Variants in ANKS1B observed in about 807,000 individuals in gnomAD.
ANKS1B encodes the protein ankyrin repeat and sterile alpha motif domain-containing protein 1B.
In ANKS1B, 36 loss-of-function variants were observed where a neutral mutation model predicts 148.3. That is an observed-to-expected ratio of 0.24 (90% confidence interval 0.19 to 0.32). ANKS1B has a LOEUF of 0.32. Ranked by LOEUF, ANKS1B falls within the 10% of genes least tolerant of loss-of-function variation. The probability of loss-of-function intolerance (pLI) is 1.00; values close to 1 mark genes in which losing one functional copy is unlikely to be tolerated. For synonymous variants in ANKS1B, 542 were observed against 560.8 expected, an observed-to-expected ratio of 0.97 and a Z score of 0.47; for missense variants, 1,157 against 1,542.6, an observed-to-expected ratio of 0.75 and a Z score of 4.19.
At chr12:98,972,810 A>G (rs1294286671) in intron 17 of ANKS1B, among the ~76,000 whole-genome samples, 1 of 152,158 alleles carries the variant, frequency 6.6e-6, no homozygotes, top group Non-Finnish European at 1.5e-5. Context: ...TGCTCCTAAA[A>G]TGCAGTCTAG....
intron 11 of ANKS1B, among the ~76,000 whole-genome samples, chr12:99,442,551 C>T (rs1415610351): frequency 6.6e-6 from 1 of 151,802 alleles, no homozygotes; most frequent in African/African-American, 2.4e-5. Flanking sequence ...GACAATGTAG[C>T]CCCTTTGGAG....
At chr12:98,998,454 T>C (rs182915830) in intron 17 of ANKS1B, among the ~76,000 whole-genome samples, 6 of 152,340 alleles carry the variant, frequency 3.9e-5, no homozygotes, top group African/African-American at 7.2e-5. Flanking sequence ...CTGAGCATTT[T>C]ATAAATGAGA....
chr12:99,426,969 C>T (rs576923185), intron 11 of ANKS1B, among the ~76,000 whole-genome samples: 10 of 152,274 alleles, frequency 6.6e-5, no homozygotes, highest in South Asian at 4.1e-4. Context: ...ATGCTTGATT[C>T]GTAACCTGTA....
chr12:99,823,358 T>C (rs2082744298), intron 2 of ANKS1B, among the ~76,000 whole-genome samples: 1 of 152,156 alleles, frequency 6.6e-6, no homozygotes, highest in Non-Finnish European at 1.5e-5. Context: ...CAGGCTGGAG[T>C]GCAGTCATGA....
At chr12:99,914,797 C>T (rs1053592775) in intron 1 of ANKS1B, among the ~76,000 whole-genome samples, 1 of 152,052 alleles carries the variant, frequency 6.6e-6, no homozygotes, top group African/African-American at 2.4e-5. Flanking sequence ...ACCCTCATCC[C>T]TTTCATAAAG....
chr12:99,700,592 AT>A (rs563704990), intron 8 of ANKS1B, among the ~76,000 whole-genome samples: 2 of 151,948 alleles, frequency 1.3e-5, no homozygotes, highest in South Asian at 2.1e-4. Flanking sequence ...AGCACATAAT[AT>A]TTTTTTTCTT....
intron 1 of ANKS1B, among the ~76,000 whole-genome samples, chr12:99,982,935 A>C (rs2095725953): frequency 6.6e-6 from 1 of 152,210 alleles, no homozygotes. Context: ...CCCTATAATT[A>C]ATTGCACTGT....
chr12:99,332,555 T>G (rs1028062859), intron 12 of ANKS1B, among the ~76,000 whole-genome samples: 1 of 151,792 alleles, frequency 6.6e-6, no homozygotes, highest in Non-Finnish European at 1.5e-5. Flanking sequence ...TGCAAAAAAG[T>G]GTCATGGTTT....
intron 1 of ANKS1B, among the ~76,000 whole-genome samples, chr12:99,956,174 A>G (rs910698111): frequency 2.7e-5 from 4 of 150,868 alleles, no homozygotes; most frequent in Non-Finnish European, 5.9e-5. Context: ...GATACTCAGG[A>G]GGCTAAGGCA....
intron 17 of ANKS1B, among the ~76,000 whole-genome samples, chr12:98,927,342 G>C (rs2152941423): frequency 6.6e-6 from 1 of 152,250 alleles, no homozygotes; most frequent in Middle Eastern, 3.4e-3. Context: ...ACAGCAGATA[G>C]TAAGGGGAAA....
chr12:99,022,554 CTTTCT>C, intron 17 of ANKS1B, among the ~76,000 whole-genome samples: 1 of 152,140 alleles, frequency 6.6e-6, no homozygotes, highest in Middle Eastern at 3.4e-3. Flanking sequence ...TGTTTTGTTT[CTTTCT>C]TTTCACTTCC....
intron 2 of ANKS1B, among the ~76,000 whole-genome samples, chr12:99,823,876 T>G (rs892127246): frequency 3.3e-5 from 5 of 152,222 alleles, no homozygotes; most frequent in Admixed American, 6.5e-5. Flanking sequence ...TGTTATCAAT[T>G]TTGTTGAATA....
intron 9 of ANKS1B, among the ~76,000 whole-genome samples, chr12:99,512,556 T>C (rs758998000): frequency 6.6e-6 from 1 of 152,140 alleles, no homozygotes; most frequent in Non-Finnish European, 1.5e-5. Flanking sequence ...ATTGGGTATA[T>C]ACCCAAAGTA....
intron 24 of ANKS1B, 143 bp from the exon 25 acceptor site, chr12:98,773,322 T>C: frequency 1.1e-6 from 1 of 870,224 alleles, no homozygotes; most frequent in Non-Finnish European, 1.7e-6. Context: ...TCCACTATAT[T>C]ATTTGTGGGT....
At chr12:99,546,740 G>A (rs1233676700) in intron 9 of ANKS1B, among the ~76,000 whole-genome samples, 1 of 152,160 alleles carries the variant, frequency 6.6e-6, no homozygotes, top group Admixed American at 6.6e-5. Context: ...AAATCAGATG[G>A]AGTCTGGTCA....
At chr12:98,950,978 C>T (rs1597452942) in intron 17 of ANKS1B, among the ~76,000 whole-genome samples, 1 of 152,042 alleles carries the variant, frequency 6.6e-6, no homozygotes, top group Admixed American at 6.6e-5. Flanking sequence ...TTTTCCAGCT[C>T]GGAGATTCTT....
At chr12:99,950,432 C>CATGAAT (rs1346942414) in intron 1 of ANKS1B, among the ~76,000 whole-genome samples, 14 of 152,066 alleles carry the variant, frequency 9.2e-5, no homozygotes, top group African/African-American at 3.4e-4. Context: ...TTCCCCACCA[C>CATGAAT]ACATACTTTC....
At chr12:99,723,975 CCCCAAAAAAA>C (rs2153558675) in intron 8 of ANKS1B, among the ~76,000 whole-genome samples, 1 of 150,386 alleles carries the variant, frequency 6.6e-6, no homozygotes, top group East Asian at 2.0e-4. Flanking sequence ...AAAAGTGTCT[CCCCAAAAAAA>C]CCCATCAAGG....
intron 15 of ANKS1B, among the ~76,000 whole-genome samples, chr12:99,135,644 C>T (rs181529597): frequency 3.7e-4 from 57 of 152,264 alleles, no homozygotes; most frequent in South Asian, 2.7e-3. Context: ...TACTAAGCCA[C>T]GCTATTAATC....
Sources: allele counts gnomAD v4.1 joint callset (sites outside exome capture counted in the v4.1 genomes callset), GRCh38; gene constraint gnomAD v4.1.1; transcripts MANE v1.5; gene names NCBI Gene and HGNC (gene_info 2026-07-23, HGNC 2026-07-21).